The following SLC49A3 variants were observed in gnomAD, a reference collection of about 807,000 sequenced individuals.
SLC49A3 encodes the protein solute carrier family 49 member 3.
Under a neutral mutation model 43.8 loss-of-function variants are expected in SLC49A3, and 50 were observed. The observed-to-expected ratio is 1.14, with a 90% CI of 0.91 to 1.45. SLC49A3 has a LOEUF of 1.45. Among genes scored for constraint, SLC49A3 ranks in the 40% most tolerant of loss-of-function variants. SLC49A3 has a pLI of 0.00. For synonymous variants in SLC49A3, 413 were observed against 352.0 expected, an observed-to-expected ratio of 1.17 and a Z score of -1.94; for missense variants, 906 against 774.1, an observed-to-expected ratio of 1.17 and a Z score of -2.02.
chr4:683,442 G>A, intron 7 of SLC49A3, 75 bp from the exon 8 acceptor site: 2 of 1,542,630 alleles, frequency 1.3e-6, no homozygotes, highest in Admixed American at 2.0e-5. Flanking sequence ...CACGGGACAT[G>A]GGACACGGGG....
Position 683,221 on chromosome 4 carries a change from G to T in SLC49A3, c.1140C>A (p.Ile380=). 6.2e-7 allele frequency: 1 copy of T among 1,612,802 alleles called. No individual in the cohort carries two copies. The highest frequency in any genetic ancestry group is 1.1e-5 in the South Asian group (1 of 91,084). The change falls in exon 8 of 10, where the codon ATC becomes ATA. Residue 380 remains isoleucine (I), a synonymous_variant. Transcript: ENST00000322224. The part of the protein sequence containing the change: ...PVGEGAATGM[I]FVLGQAEGIL... ...AGATGGACACTCACCCCAGCACAAA[G>T]ATCATGCCTGTGGCAGCCCCCTCCC...
chr4:689,205 G>A (rs935756717), upstream of SLC49A3: 28 of 1,103,800 alleles, frequency 2.5e-5, 1 homozygote, highest in South Asian at 6.5e-4. Context: ...GGCCGGGACC[G>A]CCTGCGGGCG....
chr4:678,816 G>A, downstream of SLC49A3: 1 of 1,608,424 alleles, frequency 6.2e-7, no homozygotes, highest in Non-Finnish European at 8.5e-7. Flanking sequence ...AGCCTGTGCT[G>A]GGAAGACCCC....
At chr4:676,945 C>T (rs531767447), downstream of SLC49A3, 191 of 985,272 alleles carry the variant, frequency 1.9e-4, 1 homozygote, top group South Asian at 2.0e-3. Context: ...TCTCAGGGGA[C>T]GCCAACTGTG....
At chr4:679,933 C>T (rs750336372), downstream of SLC49A3, 141 of 1,613,630 alleles carry the variant, frequency 8.7e-5, no homozygotes, top group South Asian at 1.2e-3. Context: ...ACGTCAAGGA[C>T]GACGAGCTGG....
downstream of SLC49A3, chr4:680,972 C>A: frequency 8.8e-7 from 1 of 1,140,876 alleles, no homozygotes; most frequent in South Asian, 1.3e-5. Context: ...CACACTCCAG[C>A]GGGAAGGGCG....
At position 681,950 on chromosome 4, in the gene SLC49A3, G is replaced by A. The variant is rs1739759876; in HGVS notation, c.*8C>T. 7.4e-7 allele frequency: 1 copy of A among 1,352,308 alleles called. No individual in the cohort carries two copies. Among genetic ancestry groups the A allele is most frequent in the Non-Finnish European group, 9.6e-7 (1 of 1,039,704 alleles). 83.8% of individuals were successfully genotyped at this position (1,352,308 alleles called of 1,614,324 possible). A position where few individuals can be genotyped will look rare whatever the true frequency, so the allele number is the denominator to read the frequency against. ...TGTGGCGGGCAACCTGGACTACAAG[G>A]CGCTCAGCTACGTGATCACCCACGG... is the stretch of plus-strand genomic sequence containing the variant. On this transcript the variant is annotated 3_prime_UTR_variant, in exon 10 of 10. Transcript: ENST00000322224.
upstream of SLC49A3, among the ~76,000 whole-genome samples, chr4:690,431 C>T (rs1468347642): frequency 2.0e-5 from 3 of 152,096 alleles, no homozygotes; most frequent in Non-Finnish European, 4.4e-5. Context: ...TTCTGTTCTC[C>T]TTCTCCTCAC....
In SLC49A3 at chr4:682,330, G is replaced by A. The variant is rs750613557; in HGVS notation, c.1308C>T (p.Ile436=). 4.4e-6 allele frequency: 6 copies of A among 1,349,530 alleles called. No individual in the cohort carries two copies. The highest frequency in any genetic ancestry group is 1.5e-5 in the African/African-American group (1 of 66,620). 83.6% of individuals were successfully genotyped at this position (1,349,530 alleles called of 1,614,324 possible). Residue 436 remains isoleucine (I), a synonymous_variant, in exon 10 of 10, where the codon ATC becomes ATT. Transcript: ENST00000322224. ...MAGLCTFFSC[I]LAVFFHTPYR... ...ATGGGGTGTGGAAGAAGACCGCCAG[G>A]ATGCAGCTGAAGAAGGTGCACAGGC...
chr4:676,854 A>G (rs771420865), downstream of SLC49A3: 1 of 984,756 alleles, frequency 1.0e-6, no homozygotes, highest in Non-Finnish European at 1.2e-6. Context: ...CCTCCTGGGC[A>G]GGTCATGCCT....
Position 683,794 on chromosome 4 carries a change from G to A in SLC49A3, c.841-33C>T, listed in dbSNP as rs185054342. The stretch of plus-strand genomic sequence containing the variant: ...AGGCGAGAAGAGGCCAGGGCCCCAA[G>A]AGGCCACCATTATCCTAGGTGCATG... On this transcript the variant is annotated intron_variant, in intron 6 of 9. Transcript: ENST00000322224. The A allele has an allele frequency of 6.6e-3, 10,107 of 1,540,424 alleles. 45 individuals carry two copies. The highest frequency in any genetic ancestry group is 7.5e-3 in the Non-Finnish European group (8,611 of 1,142,356).
chr4:685,725 GGGAATCACACACGGGCACA>G lies in SLC49A3; in HGVS notation c.585+91_585+109del. On this transcript the variant is annotated intron_variant, in intron 4 of 9. Transcript: ENST00000322224. The surrounding 1 kb of genome is among the most constrained non-coding windows in gnomAD (Gnocchi z 4.3). ...CTTCTCGGGTGGCGGGGCGGGGGAC[GGGAATCACACACGGGCACA>G]GGAACACGGACACACTTGGGATCAG... The G allele has an allele frequency of 8.4e-7, 1 of 1,191,060 alleles. No homozygotes were observed. The highest frequency in any genetic ancestry group is 1.2e-6 in the Non-Finnish European group (1 of 824,386). 73.8% of individuals were successfully genotyped at this position (1,191,060 alleles called of 1,614,324 possible).
Position 683,774 on chromosome 4 carries a change from A to G in SLC49A3, c.841-13T>C. The G allele has an allele frequency of 6.4e-7, 1 of 1,550,652 alleles. No individual in the cohort carries two copies. The highest frequency in any genetic ancestry group is 1.4e-5 in the African/African-American group (1 of 73,346). On this transcript the variant is annotated splice_polypyrimidine_tract_variant and intron_variant, in intron 6 of 9. Transcript: ENST00000322224. ...GGCCGGAAAACCCCTGGAGGAGGCG[A>G]GAAGAGGCCAGGGCCCCAAGAGGCC...
At chr4:688,937 G>T in intron 1 of SLC49A3, 56 bp downstream of exon 1, 1 of 1,547,674 alleles carries the variant, frequency 6.5e-7, no homozygotes. Context: ...AACAAAACCC[G>T]GCTGGTCCGA....
downstream of SLC49A3, chr4:680,836 C>G: frequency 4.7e-6 from 3 of 632,490 alleles, no homozygotes; most frequent in Non-Finnish European, 8.2e-6. Context: ...ATCTTCAGCT[C>G]CTGCTAGGCG....
downstream of SLC49A3, chr4:679,006 G>A (rs761136485): frequency 2.5e-6 from 4 of 1,613,802 alleles, no homozygotes; most frequent in Admixed American, 1.7e-5. Context: ...TGACAAGGAG[G>A]ACCTGAAGGA....
downstream of SLC49A3, chr4:680,592 GTGCCCGGGC>G: frequency 6.2e-7 from 1 of 1,612,122 alleles, no homozygotes. Context: ...GGAGTAGTGA[GTGCCCGGGC>G]GGCCAGGGCG....
downstream of SLC49A3, chr4:678,010 A>G (rs759460009): frequency 1.9e-6 from 3 of 1,612,476 alleles, no homozygotes; most frequent in Non-Finnish European, 2.5e-6. Flanking sequence ...GACGCATCAA[A>G]GCAGGCAGAA....
chr4:681,056 G>T, downstream of SLC49A3: 1 of 1,570,536 alleles, frequency 6.4e-7, no homozygotes. Context: ...CTGCACCCCC[G>T]CATCAGCCCG....
Sources: allele counts gnomAD v4.1 joint callset (sites outside exome capture counted in the v4.1 genomes callset), GRCh38; gene constraint gnomAD v4.1.1; non-coding constraint Gnocchi (gnomAD v3.1); transcripts MANE v1.5; gene names NCBI Gene and HGNC (gene_info 2026-07-23, HGNC 2026-07-21).